The following LIMK2 variants were observed in gnomAD, a reference collection of about 807,000 sequenced individuals.
The protein encoded by LIMK2 is LIM domain kinase 2.
Under a neutral mutation model 75.7 loss-of-function variants are expected in LIMK2, and 35 were observed. The observed-to-expected ratio is 0.46, with a 90% CI of 0.35 to 0.61. LIMK2 has a LOEUF of 0.61. Ranked by LOEUF, LIMK2 falls within the 20% of genes least tolerant of loss-of-function variation. The pLI is 0.00. For synonymous variants in LIMK2, 301 were observed against 319.2 expected (o/e 0.94, Z 0.61); for missense variants, 623 against 831.0 (o/e 0.75, Z 3.08).
intron 2 of LIMK2, among the ~76,000 whole-genome samples, chr22:31,245,519 C>T (rs760315149): frequency 3.9e-5 from 6 of 152,126 alleles, no homozygotes; most frequent in Non-Finnish European, 8.8e-5. Context: ...TCAGGCTAGT[C>T]TCGAACTTCC....
intron 2 of LIMK2, among the ~76,000 whole-genome samples, chr22:31,246,062 A>G (rs1275879719): frequency 6.6e-6 from 1 of 151,972 alleles, no homozygotes; most frequent in Non-Finnish European, 1.5e-5. Context: ...AGTCCCAGCT[A>G]CTTGGGAGGC....
At chr22:31,240,730 C>T (rs1451086243) in intron 2 of LIMK2, among the ~76,000 whole-genome samples, 1 of 152,016 alleles carries the variant, frequency 6.6e-6, no homozygotes. Context: ...CCTAGAATCA[C>T]CTTTTTATAC....
At chr22:31,245,976 C>G (rs978841057) in intron 2 of LIMK2, among the ~76,000 whole-genome samples, 5 of 151,956 alleles carry the variant, frequency 3.3e-5, no homozygotes, top group Non-Finnish European at 7.4e-5. Context: ...AGTTCAAGAC[C>G]AGCCTGACCA....
chr22:31,243,222 G>T (rs915534194), intron 2 of LIMK2, among the ~76,000 whole-genome samples: 3 of 152,092 alleles, frequency 2.0e-5, no homozygotes, highest in Non-Finnish European at 4.4e-5. Flanking sequence ...ATGCCTGCCC[G>T]GGACCCTTGT....
intron 1 of LIMK2, among the ~76,000 whole-genome samples, chr22:31,220,140 G>A (rs2123766161): frequency 6.6e-6 from 1 of 152,330 alleles, no homozygotes; most frequent in South Asian, 2.1e-4. Context: ...GACTGTAAGA[G>A]AGCTAAAGAA....
intron 14 of LIMK2, among the ~76,000 whole-genome samples, chr22:31,274,396 GTTTTGT>G (rs768067008): frequency 1.7e-4 from 26 of 152,126 alleles, no homozygotes; most frequent in African/African-American, 4.3e-4. Context: ...ATGAAGGAAT[GTTTTGT>G]TTTTGTTTTT....
At chr22:31,227,560 G>A (rs1242127072) in intron 2 of LIMK2, among the ~76,000 whole-genome samples, 3 of 152,166 alleles carry the variant, frequency 2.0e-5, no homozygotes, top group Non-Finnish European at 4.4e-5. Context: ...CAGGGAAGTT[G>A]ATTCTGTCTT....
intron 7 of LIMK2, among the ~76,000 whole-genome samples, chr22:31,264,756 C>G (rs1318873541): frequency 6.6e-6 from 1 of 151,064 alleles, no homozygotes; most frequent in African/African-American, 2.4e-5. Flanking sequence ...AACCCTATCT[C>G]TACTAAAAAT....
At chr22:31,218,623 C>T (rs2048407440) in intron 1 of LIMK2, among the ~76,000 whole-genome samples, 1 of 152,098 alleles carries the variant, frequency 6.6e-6, no homozygotes, top group South Asian at 2.1e-4. Flanking sequence ...TATCTAGAGG[C>T]ATGTTAATCC....
chr22:31,260,826 T>C (rs1030070660), intron 5 of LIMK2, among the ~76,000 whole-genome samples: 2 of 152,168 alleles, frequency 1.3e-5, no homozygotes, highest in African/African-American at 4.8e-5. Flanking sequence ...GTAGGAGTCT[T>C]AATCATGTCT....
intron 2 of LIMK2, chr22:31,248,297 G>C: frequency 8.5e-7 from 1 of 1,173,198 alleles, no homozygotes; most frequent in African/African-American, 1.6e-5. Flanking sequence ...TCGGTTCTGC[G>C]GGAGCCCCTC....
chr22:31,217,056 T>G (rs2048394261), intron 1 of LIMK2, among the ~76,000 whole-genome samples: 1 of 152,242 alleles, frequency 6.6e-6, no homozygotes, highest in Non-Finnish European at 1.5e-5. Flanking sequence ...TTATCATGTC[T>G]TTCTGCCTGT....
At chr22:31,247,166 T>C (rs1017228697) in intron 2 of LIMK2, among the ~76,000 whole-genome samples, 6 of 152,294 alleles carry the variant, frequency 3.9e-5, no homozygotes, top group African/African-American at 1.4e-4. Context: ...GGTGTGTGCC[T>C]GGTAAGGGAG....
At position 31,225,954 on chromosome 22, in the gene LIMK2, G is replaced by T. The variant is rs1449674268; in HGVS notation, c.116+135G>T. 13 of 721,120 alleles carry T rather than the reference G, an allele frequency of 1.8e-5. No homozygotes were observed. The East Asian group carries it at 3.4e-4, about 19-fold the overall frequency. 44.7% of individuals were successfully genotyped at this position (721,120 alleles called of 1,614,324 possible). A position where few individuals can be genotyped will look rare whatever the true frequency, so the allele number is the denominator to read the frequency against. Reference sequence around the variant, plus strand: ...AGGGTGGGGAAAGGAATGTACCAAGGAAGAGCTCATGACCAAACCTCAAGT... The same window carrying T: ...AGGGTGGGGAAAGGAATGTACCAAGTAAGAGCTCATGACCAAACCTCAAGT... On this transcript the variant is annotated intron_variant, in intron 2 of 15. Coordinates refer to ENST00000331728, the MANE Select transcript of LIMK2 (RefSeq NM_005569.4).
Position 31,260,087 on chromosome 22 carries a change from T to C in LIMK2, c.551+10T>C. 1 of 1,553,682 alleles carries C rather than the reference T, an allele frequency of 6.4e-7. No individual in the cohort carries two copies. ...CTGTGCAAGTGAAAGAGTAAGTATT[T>C]TGAGAACCCTTCAGCAGGGGTTCTT... is the stretch of plus-strand genomic sequence containing the variant. On this transcript the variant is annotated intron_variant, in intron 5 of 15. Transcript: ENST00000331728.
At chr22:31,212,452 C>T (rs771756298) in intron 1 of LIMK2, 28 bp downstream of exon 1, 1 of 1,318,432 alleles carries the variant, frequency 7.6e-7, no homozygotes, top group Non-Finnish European at 9.8e-7. Context: ...CGCCCTGTCC[C>T]GCTGTTATCT....
chr22:31,273,887 A>G (rs569602164), intron 14 of LIMK2, among the ~76,000 whole-genome samples: 27 of 151,964 alleles, frequency 1.8e-4, no homozygotes, highest in African/African-American at 6.5e-4. Context: ...TAGTAGAGAC[A>G]GGGTTTCACC....
intron 2 of LIMK2, among the ~76,000 whole-genome samples, chr22:31,240,712 G>A (rs1006760750): frequency 1.3e-5 from 2 of 152,080 alleles, no homozygotes; most frequent in African/African-American, 4.8e-5. Context: ...GTGAGTCACC[G>A]CGCCTGGCCT....
intron 2 of LIMK2, among the ~76,000 whole-genome samples, chr22:31,254,832 G>A (rs2048761346): frequency 6.6e-6 from 1 of 152,040 alleles, no homozygotes; most frequent in Admixed American, 6.5e-5. Flanking sequence ...GGTGGCATGC[G>A]CCAGTAATCC....
Sources: gnomAD v4.1 joint callset for allele counts (sites outside exome capture counted in the v4.1 genomes callset) on GRCh38, gnomAD v4.1.1 for gene constraint, MANE v1.5 for transcripts, NCBI Gene and HGNC (gene_info 2026-07-23, HGNC 2026-07-21) for gene names.